The following ZNF652 variants were observed in gnomAD, a reference collection of about 807,000 sequenced individuals.
The protein encoded by ZNF652 is zinc finger protein 652.
In ZNF652, 16 loss-of-function variants were observed where a neutral mutation model predicts 45.2. The ratio of observed to expected loss-of-function variants is 0.35; its 90% CI spans 0.24 to 0.54. ZNF652 has a LOEUF of 0.54. Among genes scored for constraint, ZNF652 ranks in the 20% least tolerant of loss-of-function variants. ZNF652 has a pLI of 0.91. For missense variants in ZNF652, 614 were observed against 765.6 expected (o/e 0.80, Z 2.34); for synonymous variants, 250 against 260.6 (o/e 0.96, Z 0.39).
upstream of ZNF652, chr17:49,362,372 G>A (rs1439974405): frequency 6.6e-6 from 1 of 150,864 alleles, no homozygotes; most frequent in African/African-American, 2.4e-5. Context: ...CGCTGGGAGC[G>A]GCGGCGCGCA....
chr17:49,324,174 G>C (rs765231982), intron 1 of ZNF652, among the ~76,000 whole-genome samples: 2 of 152,164 alleles, frequency 1.3e-5, no homozygotes, highest in Admixed American at 6.5e-5. Flanking sequence ...GCACTTTTAC[G>C]TTATGGAGAT....
intron 5 of ZNF652, among the ~76,000 whole-genome samples, chr17:49,301,351 T>G (rs2069549596): frequency 6.6e-6 from 1 of 152,112 alleles, no homozygotes; most frequent in East Asian, 1.9e-4. Flanking sequence ...TGAAGTGTAA[T>G]GAGTGGCACG....
rs11307814 is a variant in ZNF652 at position 49,309,329 on chromosome 17, TAAA to T, written c.1309+1980_1309+1982del. On this transcript the variant is annotated intron_variant, in intron 5 of 5. Coordinates refer to ENST00000430262, the MANE Select transcript of ZNF652 (RefSeq NM_001145365.3). ...CAATATGGTGAAACCCTGTCTCTAC[TAAA>T]AAAAAAAAAAAAAAAAAAAAAAAAA... 4.0e-3 allele frequency among the ~76,000 whole-genome samples: 268 copies of T among 66,286 alleles called. 2 individuals are homozygous for T. The highest frequency in any genetic ancestry group is 0.015 in the African/African-American group (248 of 16,180). 43.5% of individuals were successfully genotyped at this position (66,286 alleles called of 152,430 possible). A position where few individuals can be genotyped will look rare whatever the true frequency, so the allele number is the denominator to read the frequency against.
At chr17:49,325,299 G>A (rs902309623) in intron 1 of ZNF652, among the ~76,000 whole-genome samples, 5 of 152,138 alleles carry the variant, frequency 3.3e-5, no homozygotes, top group African/African-American at 1.2e-4. Flanking sequence ...AGGAAGGCTT[G>A]AGGAGAGGGA....
intron 1 of ZNF652, among the ~76,000 whole-genome samples, chr17:49,338,985 C>T (rs761609029): frequency 6.6e-5 from 10 of 152,064 alleles, no homozygotes; most frequent in Admixed American, 1.3e-4. Flanking sequence ...CTTGTCCTTC[C>T]ACCAGCCTCC....
chr17:49,350,987 A>C (rs1289374389), intron 1 of ZNF652, among the ~76,000 whole-genome samples: 1 of 19,094 alleles, frequency 5.2e-5, no homozygotes, highest in South Asian at 1.0e-3. Context: ...ATATATATAT[A>C]TATATATATA....
chr17:49,312,510 A>C (rs1222724743), intron 3 of ZNF652, among the ~76,000 whole-genome samples, 188 bp downstream of exon 3: 1 of 152,108 alleles, frequency 6.6e-6, no homozygotes, highest in Non-Finnish European at 1.5e-5. Context: ...AATAATGTTG[A>C]AAAGAAAGCT....
chr17:49,306,334 C>T (rs1567916185), intron 5 of ZNF652, among the ~76,000 whole-genome samples: 1 of 152,208 alleles, frequency 6.6e-6, no homozygotes, highest in Non-Finnish European at 1.5e-5. Context: ...AACATGTTCA[C>T]TCTTACTTAG....
rs1292051501 is a variant in ZNF652, at chr17:49,311,933, T to A, written c.1158A>T (p.Arg386Ser). 1.9e-6 allele frequency: 3 copies of A among 1,612,768 alleles called. No homozygotes were observed. The highest frequency in any genetic ancestry group is 2.5e-6 in the Non-Finnish European group (3 of 1,179,010). The change falls in exon 4 of 6, where the codon AGA becomes AGT. Residue 386 changes from arginine (R) to serine (S), a missense_variant. Physicochemically the swap from Arg to Ser is moderately radical, Grantham distance 110 (BLOSUM62 -1). This residue lies in a region of ZNF652 where 81 missense variants were observed against 167.0 expected (regional missense o/e 0.48). Transcript: ENST00000430262. ...TAGGTAGCACATTCCTTACCTCGCATCTAAAGGGCTTCTCTCCAGAATGCT... is the reference window on the plus strand; with the variant it reads ...TAGGTAGCACATTCCTTACCTCGCAACTAAAGGGCTTCTCTCCAGAATGCT... Reference protein sequence around the residue: ...SLQHSGEKPFRCENCDERFQY... With the variant: ...SLQHSGEKPFSCENCDERFQY...
In ZNF652 at chr17:49,290,752, T is replaced by C. The variant is rs533427839; in HGVS notation, c.*7661A>G. 6.6e-6 allele frequency: 1 copy of C among 152,340 alleles called. No homozygotes were observed. Among genetic ancestry groups the C allele is most frequent in the East Asian group, 1.9e-4 (1 of 5,188 alleles). The allele number at this position is 152,340 out of a possible 1,614,324, so 9.4% of individuals were successfully genotyped here. On this transcript the variant is annotated 3_prime_UTR_variant, in exon 6 of 6. Coordinates refer to ENST00000430262, the MANE Select transcript of ZNF652 (RefSeq NM_001145365.3). The stretch of plus-strand genomic sequence containing the variant: ...ACACATCAATCATTGCTTGGCATCA[T>C]GAGGGATGAACGACGACTGGACTTT...
At chr17:49,323,585 C>T (rs1206611953) in intron 1 of ZNF652, among the ~76,000 whole-genome samples, 2 of 152,172 alleles carry the variant, frequency 1.3e-5, no homozygotes, top group East Asian at 3.8e-4. Flanking sequence ...AGAGGAATCA[C>T]TATCTATGGC....
intron 1 of ZNF652, among the ~76,000 whole-genome samples, chr17:49,348,350 A>G (rs940759806): frequency 9.9e-5 from 15 of 151,694 alleles, no homozygotes; most frequent in African/African-American, 3.4e-4. Context: ...AGCTGGACAC[A>G]GTGGTGTGTG....
rs192891413 is a variant in ZNF652, at chr17:49,338,332, T to C, written c.-258-20349A>G. ...CATAAGAATGAGAACCAACACCTTC[T>C]GCTAGATGTCACCTTGTCTGGATGT... On this transcript the variant is annotated intron_variant, in intron 1 of 5. Coordinates refer to ENST00000430262, the MANE Select transcript of ZNF652 (RefSeq NM_001145365.3). 1.2e-3 allele frequency among the ~76,000 whole-genome samples: 176 copies of C among 152,276 alleles called. 1 individual carries two copies. Among genetic ancestry groups the C allele is most frequent in the African/African-American group, 4.2e-3 (173 of 41,566 alleles).
At chr17:49,352,442 A>G (rs1205205481) in intron 1 of ZNF652, among the ~76,000 whole-genome samples, 1 of 152,208 alleles carries the variant, frequency 6.6e-6, no homozygotes, top group East Asian at 1.9e-4. Context: ...AGCTGAGCCT[A>G]GTACCCAGAT....
intron 1 of ZNF652, among the ~76,000 whole-genome samples, chr17:49,330,535 G>T (rs541945959): frequency 6.6e-6 from 1 of 152,036 alleles, no homozygotes; most frequent in Admixed American, 6.6e-5. Flanking sequence ...TTTTAATAGA[G>T]ATGGGGTTTC....
intron 1 of ZNF652, among the ~76,000 whole-genome samples, chr17:49,331,121 CTTTT>C (rs1291833601): frequency 2.6e-5 from 3 of 115,722 alleles, no homozygotes; most frequent in Admixed American, 9.7e-5. Context: ...ATGAATGTGT[CTTTT>C]TTTTTTTTTT....
intron 1 of ZNF652, among the ~76,000 whole-genome samples, chr17:49,355,936 G>A (rs2070331608): frequency 6.6e-6 from 1 of 151,862 alleles, no homozygotes; most frequent in East Asian, 1.9e-4. Context: ...TCCTTCAAGT[G>A]TTATAATCAT....
rs2069473929 is a variant in ZNF652, at chr17:49,296,126, A to T, written c.*2287T>A. ...AAGGAGACTGTGGAGGGAGAGGGAG[A>T]CAACCACTAAAGATATAACAGTCAT... On this transcript the variant is annotated 3_prime_UTR_variant, in exon 6 of 6. Coordinates refer to ENST00000430262, the MANE Select transcript of ZNF652 (RefSeq NM_001145365.3). The T allele has an allele frequency of 6.6e-6, 1 of 152,190 alleles. No individual in the cohort carries two copies. Among genetic ancestry groups the T allele is most frequent in the Non-Finnish European group, 1.5e-5 (1 of 68,018 alleles). The allele number at this position is 152,190 out of a possible 1,614,324, so 9.4% of individuals were successfully genotyped here. A position where few individuals can be genotyped will look rare whatever the true frequency, so the allele number is the denominator to read the frequency against.
intron 1 of ZNF652, among the ~76,000 whole-genome samples, chr17:49,350,694 G>A (rs994408992): frequency 1.3e-5 from 2 of 151,308 alleles, no homozygotes; most frequent in Non-Finnish European, 2.9e-5. Context: ...AAATGGCTGG[G>A]TGCAGTGGCT....
Sources: allele counts gnomAD v4.1 joint callset (sites outside exome capture counted in the v4.1 genomes callset), GRCh38; gene constraint gnomAD v4.1.1; regional missense constraint gnomAD v4.1.1; transcripts MANE v1.5; gene names NCBI Gene and HGNC (gene_info 2026-07-23, HGNC 2026-07-21).